STK25: variants seen among roughly 807,000 people sequenced by gnomAD.
The protein encoded by STK25 is serine/threonine kinase 25.
In STK25, 29 loss-of-function variants were observed where a neutral mutation model predicts 53.8. The ratio of observed to expected loss-of-function variants is 0.54; its 90% CI spans 0.40 to 0.74. The LOEUF (loss-of-function observed/expected upper bound fraction) is 0.74. STK25 is among the 30% of genes least tolerant of loss of function. STK25 has a pLI of 0.00. For missense variants in STK25, 420 were observed against 568.0 expected, an observed-to-expected ratio of 0.74 and a Z score of 2.65; for synonymous variants, 247 against 238.3, an observed-to-expected ratio of 1.04 and a Z score of -0.33.
intron 11 of STK25, 126 bp from the exon 12 acceptor site, chr2:241,495,827 T>A (rs890514741): frequency 7.7e-6 from 7 of 912,322 alleles, no homozygotes; most frequent in Admixed American, 4.1e-5. Flanking sequence ...TCTGAAGGTG[T>A]CCCCAATGCA....
chr2:241,492,776 T>C lies in STK25; in HGVS notation c.*2886A>G. 3.4e-6 allele frequency: 2 copies of C among 582,318 alleles called. No individual in the cohort carries two copies. Among genetic ancestry groups the C allele is most frequent in the Non-Finnish European group, 6.2e-6 (2 of 325,124 alleles). 36.1% of individuals were successfully genotyped at this position (582,318 alleles called of 1,614,324 possible). A position where few individuals can be genotyped will look rare whatever the true frequency, so the allele number is the denominator to read the frequency against. On this transcript the variant is annotated 3_prime_UTR_variant, in exon 12 of 12. Coordinates refer to ENST00000316586, the MANE Select transcript of STK25 (RefSeq NM_001271977.2). Reference sequence around the variant, plus strand: ...TTAACATGCTTCTGTTGGACTTAAGTACTGATAAAGCTGCTGTTCATAGCA... The same window carrying C: ...TTAACATGCTTCTGTTGGACTTAAGCACTGATAAAGCTGCTGTTCATAGCA...
chr2:241,497,163 G>A (rs769205545), intron 10 of STK25: 3 of 160,220 alleles, frequency 1.9e-5, no homozygotes, highest in African/African-American at 7.2e-5. Context: ...GCTCCAGGTG[G>A]GGCTCCTGGA....
Position 241,500,764 on chromosome 2 carries a change from CA to C in STK25, c.293del (p.Leu98ArgfsTer28). 6.2e-7 allele frequency: 1 copy of C among 1,613,970 alleles called. No individual in the cohort carries two copies. The highest frequency in any genetic ancestry group is 8.5e-7 in the Non-Finnish European group (1 of 1,179,948). Reference sequence around the variant, plus strand: ...CCAAGTCCAGTGCTGAGCCGCCGCCCAGGTACTCCATGATGATCCATAGCTT... The same window carrying C: ...CCAAGTCCAGTGCTGAGCCGCCGCCCGGTACTCCATGATGATCCATAGCTT... ...STKLWIIMEY[L>X]GGGSALDLLK... On this transcript the variant is annotated frameshift_variant, in exon 4 of 12. Transcript: ENST00000316586. LOFTEE classifies it high-confidence loss of function.
In STK25 at chr2:241,493,679, G is replaced by C. The variant is rs2065018361; in HGVS notation, c.*1983C>G. On this transcript the variant is annotated 3_prime_UTR_variant, in exon 12 of 12. Coordinates refer to ENST00000316586, the MANE Select transcript of STK25 (RefSeq NM_001271977.2). ...ATACAATCTTGGCTCACTATAACCT[G>C]CACCTCCAGGGTTCAAGCGATTCTT... is the stretch of plus-strand genomic sequence containing the variant. 5 of 550,088 alleles carry C rather than the reference G, an allele frequency of 9.1e-6. No homozygotes were observed. In the South Asian group the frequency reaches 1.1e-4, roughly 13 times the overall value. 34.1% of individuals were successfully genotyped at this position (550,088 alleles called of 1,614,324 possible). A position where few individuals can be genotyped will look rare whatever the true frequency, so the allele number is the denominator to read the frequency against.
At chr2:241,503,603 C>G (rs948192898) in intron 2 of STK25, among the ~76,000 whole-genome samples, 5 of 150,568 alleles carry the variant, frequency 3.3e-5, no homozygotes, top group African/African-American at 1.2e-4. Context: ...GTCCCAGCTA[C>G]TCGGGAGGCT....
At chr2:241,509,386 C>A (rs2066034633), upstream of STK25, 1 of 152,332 alleles carries the variant, frequency 6.6e-6, no homozygotes, top group East Asian at 1.9e-4. Context: ...TGGTGCGTCC[C>A]CGTGCCCCGT....
At chr2:241,507,379 G>T (rs1383074615) in intron 2 of STK25, among the ~76,000 whole-genome samples, 1 of 152,226 alleles carries the variant, frequency 6.6e-6, no homozygotes, top group Non-Finnish European at 1.5e-5. Context: ...CTCCATAGTG[G>T]AAACGACTTC....
chr2:241,508,330 A>G, intron 1 of STK25, 113 bp downstream of exon 1: 4 of 1,196,882 alleles, frequency 3.3e-6, no homozygotes, highest in Middle Eastern at 3.4e-4. Context: ...CTTCCAAGGC[A>G]GCTTCCTCCC....
Position 241,501,721 on chromosome 2 carries a change from G to A in STK25, c.31-13C>T. On this transcript the variant is annotated splice_polypyrimidine_tract_variant and intron_variant, in intron 2 of 11. Coordinates refer to ENST00000316586, the MANE Select transcript of STK25 (RefSeq NM_001271977.2). This position sits in a 1 kb window ranked among gnomAD's most constrained non-coding sequence, Gnocchi z 5.3. Reference sequence around the variant, plus strand: ...CCACTCGAGAGTGCTGTGGGGCCAGGGCGGGGACAGAGGGCAGACAGCGCC... The same window carrying A: ...CCACTCGAGAGTGCTGTGGGGCCAGAGCGGGGACAGAGGGCAGACAGCGCC... 6.2e-7 allele frequency: 1 copy of A among 1,604,398 alleles called. No homozygotes were observed. Among genetic ancestry groups the A allele is most frequent in the Admixed American group, 1.7e-5 (1 of 59,954 alleles).
rs1325894031 is a variant in STK25, at chr2:241,498,282, G to A, written c.985C>T (p.Pro329Ser). ...GTCCCCTTGTGAAGCTTGCTGTGTG[G>A]ACTCGGCCGGATGGTAGGGGGGAAC... ...WTFPPTIRPS[P>S]HSKLHKGTAL... The change falls in exon 9 of 12, where the codon CCA becomes TCA. Residue 329 changes from proline to serine, a missense_variant. Physicochemically the swap from Pro to Ser is moderately conservative, Grantham distance 74. Transcript: ENST00000316586. 6 of 1,611,236 alleles carry A rather than the reference G, an allele frequency of 3.7e-6. No individual in the cohort carries two copies. Among genetic ancestry groups the A allele is most frequent in the Non-Finnish European group, 5.1e-6 (6 of 1,177,958 alleles).
At position 241,501,006 on chromosome 2, in the gene STK25, C is replaced by T. The variant is rs1259637385; in HGVS notation, c.262-210G>A. 8.3e-6 allele frequency: 5 copies of T among 599,870 alleles called. No homozygotes were observed. Among genetic ancestry groups the T allele is most frequent in the Non-Finnish European group, 1.5e-5 (5 of 335,466 alleles). 37.2% of individuals were successfully genotyped at this position (599,870 alleles called of 1,614,324 possible). Reference sequence around the variant, plus strand: ...AGATGCTCAGAGGACAGGTTGAGTACACACAGCAGTGGCTGACTCCACTTC... The same window carrying T: ...AGATGCTCAGAGGACAGGTTGAGTATACACAGCAGTGGCTGACTCCACTTC... On this transcript the variant is annotated intron_variant, in intron 3 of 11. Transcript: ENST00000316586. The surrounding 1 kb of genome is among the most constrained non-coding windows in gnomAD (Gnocchi z 5.3).
chr2:241,496,617 C>G lies in STK25; in HGVS notation c.1105-83G>C. The G allele has an allele frequency of 2.0e-6, 3 of 1,505,758 alleles. No homozygotes were observed. The highest frequency in any genetic ancestry group is 1.8e-6 in the Non-Finnish European group (2 of 1,111,276). 93.3% of individuals were successfully genotyped at this position (1,505,758 alleles called of 1,614,324 possible). A position where few individuals can be genotyped will look rare whatever the true frequency, so the allele number is the denominator to read the frequency against. The stretch of plus-strand genomic sequence containing the variant: ...GCTCCTTTGCTCGGCCACAGTGATG[C>G]CGGAGGCCTTCAGGGCTCTCGCCTA... On this transcript the variant is annotated intron_variant, in intron 10 of 11. Transcript: ENST00000316586. This position sits in a 1 kb window ranked among gnomAD's most constrained non-coding sequence, Gnocchi z 5.8.
intron 11 of STK25, 36 bp from the exon 12 acceptor site, chr2:241,495,737 C>A: frequency 6.2e-7 from 1 of 1,613,348 alleles, no homozygotes; most frequent in Non-Finnish European, 8.5e-7. Context: ...CGTGCGTGCA[C>A]CTCTGTGCCC....
At chr2:241,497,755 G>GC in intron 9 of STK25, 68 bp from the exon 10 acceptor site, 1 of 1,478,826 alleles carries the variant, frequency 6.8e-7, no homozygotes, top group Non-Finnish European at 9.4e-7. Context: ...TCCCATCCCT[G>GC]CCCAGGCTCT....
chr2:241,505,517 C>A (rs1157856525), intron 2 of STK25, among the ~76,000 whole-genome samples: 1 of 152,204 alleles, frequency 6.6e-6, no homozygotes, highest in Non-Finnish European at 1.5e-5. Context: ...TCAGGCCTCT[C>A]TGGATGACGC....
In STK25 at chr2:241,498,583, G is replaced by A. The variant is rs941938123; in HGVS notation, c.917+56C>T. On this transcript the variant is annotated intron_variant, in intron 8 of 11. Transcript: ENST00000316586. ...GGCCCACGCCCCTGCTTCTGGAGTG[G>A]GGACCACCCACGTCACAGCACCTAG... The A allele has an allele frequency of 1.1e-5, 18 of 1,565,694 alleles. No individual in the cohort carries two copies. The African/African-American group carries it at 2.0e-4, about 18-fold the overall frequency.
rs569998360 is a variant in STK25 at position 241,501,803 on chromosome 2, T to A, written c.31-95A>T. The A allele has an allele frequency of 1.8e-4, 153 of 871,706 alleles. 1 individual carries two copies. In the African/African-American group the frequency reaches 2.3e-3, roughly 13 times the overall value. 54.0% of individuals were successfully genotyped at this position (871,706 alleles called of 1,614,324 possible). On this transcript the variant is annotated intron_variant, in intron 2 of 11. Coordinates refer to ENST00000316586, the MANE Select transcript of STK25 (RefSeq NM_001271977.2). The surrounding 1 kb of genome is among the most constrained non-coding windows in gnomAD (Gnocchi z 5.3). ...GCCCTGCTGGGGAGGAAGGGACCTGTAGGGAAGGGGGAGTCCAAGGGAGCG... is the reference window on the plus strand; with the variant it reads ...GCCCTGCTGGGGAGGAAGGGACCTGAAGGGAAGGGGGAGTCCAAGGGAGCG...
Position 241,501,499 on chromosome 2 carries a change from G to A in STK25, c.240C>T (p.Arg80=). Residue 80 remains arginine (R), a synonymous_variant, in exon 3 of 12, where the codon CGC becomes CGT. Transcript: ENST00000316586. The surrounding 1 kb of genome is among the most constrained non-coding windows in gnomAD (Gnocchi z 5.3). ...LSQCDSPYIT[R]YFGSYLKSTK... ...GCACCTTTAGGTAGGAGCCAAAGTA[G>A]CGGGTGATGTAGGGGCTGTCGCACT... is the stretch of plus-strand genomic sequence containing the variant. The A allele has an allele frequency of 2.5e-6, 4 of 1,614,102 alleles. No homozygotes were observed. Among genetic ancestry groups the A allele is most frequent in the Non-Finnish European group, 3.4e-6 (4 of 1,180,030 alleles).
Position 241,493,512 on chromosome 2 carries a change from C to G in STK25, c.*2150G>C. ...TGTCCGCTCAGCTCCCATTTCTACTCATGGTGGTGGAGGCAAGTTTTCTGG... is the reference window on the plus strand; with the variant it reads ...TGTCCGCTCAGCTCCCATTTCTACTGATGGTGGTGGAGGCAAGTTTTCTGG... On this transcript the variant is annotated 3_prime_UTR_variant, in exon 12 of 12. Coordinates refer to ENST00000316586, the MANE Select transcript of STK25 (RefSeq NM_001271977.2). 1 of 1,510,590 alleles carries G rather than the reference C, an allele frequency of 6.6e-7. No individual in the cohort carries two copies. Among genetic ancestry groups the G allele is most frequent in the South Asian group, 1.1e-5 (1 of 87,380 alleles). 93.6% of individuals were successfully genotyped at this position (1,510,590 alleles called of 1,614,324 possible). A position where few individuals can be genotyped will look rare whatever the true frequency, so the allele number is the denominator to read the frequency against.
Sources: allele counts gnomAD v4.1 joint callset (sites outside exome capture counted in the v4.1 genomes callset), GRCh38; gene constraint gnomAD v4.1.1; non-coding constraint Gnocchi (gnomAD v3.1); transcripts MANE v1.5; gene names NCBI Gene and HGNC (gene_info 2026-07-23, HGNC 2026-07-21).